Variants in ERG observed in about 807,000 individuals in gnomAD.
ERG encodes transcriptional regulator ERG.
Under a neutral mutation model 55.3 loss-of-function variants are expected in ERG, and 9 were observed. The ratio of observed to expected loss-of-function variants is 0.16; its 90% CI spans 0.10 to 0.28. ERG has a LOEUF of 0.28. ERG is among the 10% of genes least tolerant of loss of function. The pLI is 1.00. For synonymous variants in ERG, 223 were observed against 237.3 expected, an observed-to-expected ratio of 0.94 and a Z score of 0.55; for missense variants, 434 against 631.6, an observed-to-expected ratio of 0.69 and a Z score of 3.35.
chr21:38,654,449 G>A (rs2060506751), intron 1 of ERG, among the ~76,000 whole-genome samples: 1 of 152,222 alleles, frequency 6.6e-6, no homozygotes, highest in Admixed American at 6.5e-5. Flanking sequence ...TCCAGCCTGG[G>A]CAACAGAGCA....
the ERG span, among the ~76,000 whole-genome samples, chr21:38,369,164 T>C: frequency 1.3e-5 from 2 of 152,252 alleles, no homozygotes; most frequent in Non-Finnish European, 2.9e-5. Context: ...ATGGTATTTC[T>C]GTCTTTAGGT....
intron 1 of ERG, among the ~76,000 whole-genome samples, chr21:38,473,206 A>AG (rs2146628255): frequency 6.7e-6 from 1 of 150,358 alleles, no homozygotes; most frequent in South Asian, 2.1e-4. Flanking sequence ...AAAAGGGCAC[A>AG]GGAGCTCAGC....
At chr21:38,484,739 G>A (rs1027087123) in intron 1 of ERG, among the ~76,000 whole-genome samples, 23 of 152,174 alleles carry the variant, frequency 1.5e-4, no homozygotes, top group Non-Finnish European at 2.8e-4. Flanking sequence ...GATAGGACGA[G>A]GGTACCATAA....
At chr21:38,413,862 C>A (rs976250113) in intron 3 of ERG, among the ~76,000 whole-genome samples, 23 of 152,114 alleles carry the variant, frequency 1.5e-4, no homozygotes, top group African/African-American at 5.6e-4. Flanking sequence ...ATGTTGCTAT[C>A]CCCAGAGTTT....
intron 1 of ERG, among the ~76,000 whole-genome samples, chr21:38,630,827 C>T (rs2060352239): frequency 6.6e-6 from 1 of 152,170 alleles, no homozygotes. Context: ...TTGTTAAGCT[C>T]ACTTTGCAAC....
At chr21:38,423,058 C>T (rs1731291094) in intron 3 of ERG, among the ~76,000 whole-genome samples, 1 of 151,008 alleles carries the variant, frequency 6.6e-6, no homozygotes, top group Admixed American at 6.6e-5. Flanking sequence ...TGGACATCCT[C>T]TTTCTCTCTG....
rs554124577 is a variant in ERG, at chr21:38,539,313, A to G, written c.-41+36349T>C. 5.9e-5 allele frequency among the ~76,000 whole-genome samples: 9 copies of G among 152,302 alleles called. No individual in the cohort carries two copies. The South Asian group carries it at 1.9e-3, about 32-fold the overall frequency. ...AAGATGTGCTGTAGGTGCAAAATAT[A>G]TGCTGGATTTGGAAGATGTTCTATG... is the stretch of plus-strand genomic sequence containing the variant. On this transcript the variant is annotated intron_variant, in intron 2 of 8. Coordinates refer to the ERG transcript ENST00000398897.
At chr21:38,556,309 G>A (rs1215238624) in intron 2 of ERG, among the ~76,000 whole-genome samples, 2 of 152,162 alleles carry the variant, frequency 1.3e-5, no homozygotes, top group African/African-American at 2.4e-5. Flanking sequence ...CTGGGTTGGT[G>A]AGATTACATA....
chr21:38,653,169 C>A (rs755799624), intron 1 of ERG, among the ~76,000 whole-genome samples: 1 of 152,154 alleles, frequency 6.6e-6, no homozygotes, highest in Admixed American at 6.5e-5. Flanking sequence ...CCATAGCATG[C>A]GGATTCATCC....
chr21:38,493,264 T>C (rs1455571219), intron 1 of ERG, among the ~76,000 whole-genome samples: 1 of 152,212 alleles, frequency 6.6e-6, no homozygotes, highest in Non-Finnish European at 1.5e-5. Flanking sequence ...ATATTGGTTA[T>C]AAAATGGTAA....
chr21:38,423,780 G>A (rs1034568944), intron 2 of ERG, among the ~76,000 whole-genome samples: 1 of 152,084 alleles, frequency 6.6e-6, no homozygotes, highest in Non-Finnish European at 1.5e-5. Flanking sequence ...GAGGTCAAGA[G>A]ATCCAGACCA....
intron 3 of ERG, among the ~76,000 whole-genome samples, chr21:38,410,511 A>G (rs1245367588): frequency 1.3e-5 from 2 of 152,222 alleles, no homozygotes; most frequent in African/African-American, 4.8e-5. Context: ...AAAGTAAACC[A>G]TTACACACAG....
chr21:38,391,080 G>A lies in ERG; in HGVS notation c.872-38C>T, dbSNP rs1035957929. ...GAAACAAAGTCAAATCCTAGACATAGTTGTAACATAGTATGATGTGACTTC... is the reference window on the plus strand; with the variant it reads ...GAAACAAAGTCAAATCCTAGACATAATTGTAACATAGTATGATGTGACTTC... On this transcript the variant is annotated intron_variant, in intron 8 of 9. Transcript: ENST00000288319. 5.8e-6 allele frequency: 9 copies of A among 1,548,010 alleles called. No homozygotes were observed. In the Middle Eastern group the frequency reaches 1.0e-3, roughly 174 times the overall value.
At chr21:38,602,023 A>G (rs1316773346) in intron 1 of ERG, among the ~76,000 whole-genome samples, 1 of 152,158 alleles carries the variant, frequency 6.6e-6, no homozygotes, top group African/African-American at 2.4e-5. Flanking sequence ...AACACTTCTG[A>G]GTCACTTCTG....
chr21:38,532,485 G>A (rs369060219), intron 2 of ERG, among the ~76,000 whole-genome samples: 5 of 152,322 alleles, frequency 3.3e-5, no homozygotes, highest in African/African-American at 1.2e-4. Flanking sequence ...ATCATCTAAA[G>A]CAATTCTAGT....
rs777258815 is a variant in ERG, at chr21:38,383,355, C to T, written c.*48G>A. On this transcript the variant is annotated 3_prime_UTR_variant, in exon 10 of 10. Coordinates refer to ENST00000288319, the MANE Select transcript of ERG (RefSeq NM_182918.4). The surrounding 1 kb of genome is among the most constrained non-coding windows in gnomAD (Gnocchi z 5.7). ...TCATGTTCTCCGATAGAGTTTGTGGCGATGGGCTGGTGAATGCACGCTGAT... is the reference window on the plus strand; with the variant it reads ...TCATGTTCTCCGATAGAGTTTGTGGTGATGGGCTGGTGAATGCACGCTGAT... The T allele has an allele frequency of 9.7e-6, 14 of 1,441,634 alleles. No homozygotes were observed. The highest frequency in any genetic ancestry group is 4.7e-5 in the East Asian group (2 of 42,650). The allele number at this position is 1,441,634 out of a possible 1,614,324, so 89.3% of individuals were successfully genotyped here.
upstream of ERG, among the ~76,000 whole-genome samples, chr21:38,499,580 G>A (rs141720228): frequency 4.6e-5 from 7 of 152,116 alleles, no homozygotes; most frequent in Middle Eastern, 6.8e-3. Context: ...AGAGCTGGAC[G>A]TTCAGTAAAT....
chr21:38,520,136 A>T (rs1480332747), intron 2 of ERG, among the ~76,000 whole-genome samples: 1 of 152,082 alleles, frequency 6.6e-6, no homozygotes, highest in African/African-American at 2.4e-5. Context: ...GAAACGGGGG[A>T]GAAGGGATAA....
intron 1 of ERG, among the ~76,000 whole-genome samples, chr21:38,455,995 G>A (rs751382787): frequency 2.0e-5 from 3 of 151,908 alleles, no homozygotes; most frequent in East Asian, 1.9e-4. Context: ...CCACCACTCC[G>A]TGCCCCTCAT....
Sources: allele counts gnomAD v4.1 joint callset (sites outside exome capture counted in the v4.1 genomes callset), GRCh38; gene constraint gnomAD v4.1.1; non-coding constraint Gnocchi (gnomAD v3.1); transcripts MANE v1.5; gene names NCBI Gene and HGNC (gene_info 2026-07-23, HGNC 2026-07-21).